RASA1: variants seen among roughly 807,000 people sequenced by gnomAD.
RASA1 encodes the protein ras GTPase-activating protein 1.
A neutral mutation model predicts 132.2 loss-of-function variants in RASA1; 25 were observed. The observed-to-expected ratio is 0.19, with a 90% confidence interval of 0.14 to 0.26. The LOEUF is 0.26. Among genes scored for constraint, RASA1 ranks in the 10% least tolerant of loss-of-function variants. The pLI, the probability that RASA1 is intolerant of heterozygous loss-of-function variation, is 1.00. For synonymous variants in RASA1, 477 were observed against 449.9 expected, an observed-to-expected ratio of 1.06 and a Z score of -0.76; for missense variants, 964 against 1,299.2, an observed-to-expected ratio of 0.74 and a Z score of 3.97.
At chr5:87,300,790 A>C (rs1755326338) in intron 1 of RASA1, among the ~76,000 whole-genome samples, 1 of 152,248 alleles carries the variant, frequency 6.6e-6, no homozygotes, top group Non-Finnish European at 1.5e-5. Flanking sequence ...TTATATGATT[A>C]AAATTTACAT....
chr5:87,387,092 C>CA (rs1762114326), intron 23 of RASA1, among the ~76,000 whole-genome samples, 189 bp downstream of exon 23: 1 of 152,138 alleles, frequency 6.6e-6, no homozygotes, highest in Admixed American at 6.5e-5. Flanking sequence ...TTTATTCTTA[C>CA]ACTAAATAGT....
rs1038459573 is a variant in RASA1, at chr5:87,349,214, T to G, written c.1103T>G (p.Val368Gly). The G allele has an allele frequency of 3.7e-6, 6 of 1,611,488 alleles. No individual in the cohort carries two copies. The African/African-American group carries it at 6.7e-5, about 18-fold the overall frequency. ...KQEAYNLLMT[V>G]GQVCSFLVRP... Reference sequence around the variant, plus strand: ...AAAACTAACAGCTTAATTCTTACAGTTGGTCAAGTCTGCAGTTTTCTTGTG... The same window carrying G: ...AAAACTAACAGCTTAATTCTTACAGGTGGTCAAGTCTGCAGTTTTCTTGTG... The change falls in exon 8 of 25, where the codon GTT becomes GGT. Residue 368 changes from valine to glycine, a missense_variant and splice_region_variant. By Grantham distance (109) the Val-to-Gly change is moderately radical. Coordinates refer to ENST00000274376, the MANE Select transcript of RASA1 (RefSeq NM_002890.3).
intron 1 of RASA1, among the ~76,000 whole-genome samples, chr5:87,275,576 CT>C (rs1301320604): frequency 5.5e-4 from 81 of 148,120 alleles, no homozygotes; most frequent in East Asian, 2.2e-3. Context: ...GGTTGGCCTT[CT>C]TTTTTTTTTT....
intron 1 of RASA1, among the ~76,000 whole-genome samples, chr5:87,289,635 A>G (rs1462131146): frequency 6.6e-6 from 1 of 151,962 alleles, no homozygotes; most frequent in African/African-American, 2.4e-5. Context: ...TTTTCAGACA[A>G]GGTCTTGCTT....
chr5:87,390,240 G>A (rs1022065810), intron 24 of RASA1, among the ~76,000 whole-genome samples: 10 of 152,184 alleles, frequency 6.6e-5, no homozygotes, highest in Non-Finnish European at 1.3e-4. Context: ...AAGGGCTACT[G>A]AGAGGAAGTG....
Position 87,297,778 on chromosome 5 carries a change from G to A in RASA1, c.539+28788G>A, listed in dbSNP as rs191461719. 1.7e-4 allele frequency among the ~76,000 whole-genome samples: 26 copies of A among 152,294 alleles called. No individual in the cohort carries two copies. In the East Asian group the frequency reaches 4.8e-3, roughly 28 times the overall value. On this transcript the variant is annotated intron_variant, in intron 1 of 24. Transcript: ENST00000274376. The stretch of plus-strand genomic sequence containing the variant: ...GTAAGGGCATAGTAGAGCTCCTGGA[G>A]GTAAAATTCACAAGAGTGTCAGGGC...
At chr5:87,341,625 T>G (rs1758468936) in intron 6 of RASA1, among the ~76,000 whole-genome samples, 1 of 152,184 alleles carries the variant, frequency 6.6e-6, no homozygotes, top group Non-Finnish European at 1.5e-5. Context: ...TTATTCATAG[T>G]ATTTCTTGGT....
At chr5:87,367,645 CAA>C (rs763666715) in intron 11 of RASA1, among the ~76,000 whole-genome samples, 14 of 152,322 alleles carry the variant, frequency 9.2e-5, no homozygotes, top group African/African-American at 3.1e-4. Context: ...CTTAGTGACA[CAA>C]AGTTATTCTA....
At chr5:87,338,536 A>ATATATATATTTTTTTTTTT in intron 5 of RASA1, among the ~76,000 whole-genome samples, 3 of 85,216 alleles carry the variant, frequency 3.5e-5, no homozygotes, top group African/African-American at 8.9e-5. Flanking sequence ...TATATATAAA[A>ATATATATATTTTTTTTTTT]TTTTTTTTTT....
At chr5:87,305,146 A>G (rs749087503) in intron 1 of RASA1, among the ~76,000 whole-genome samples, 15 of 151,920 alleles carry the variant, frequency 9.9e-5, no homozygotes, top group Non-Finnish European at 1.6e-4. Flanking sequence ...AAAATTTTTT[A>G]TCTGTTTCTT....
At chr5:87,269,705 C>T (rs1173925314) in intron 1 of RASA1, among the ~76,000 whole-genome samples, 1 of 152,088 alleles carries the variant, frequency 6.6e-6, no homozygotes, top group Non-Finnish European at 1.5e-5. Flanking sequence ...ATAGAGCTTC[C>T]CTTAAACATT....
chr5:87,269,991 C>G (rs756598004), intron 1 of RASA1, among the ~76,000 whole-genome samples: 4 of 152,062 alleles, frequency 2.6e-5, no homozygotes, highest in Non-Finnish European at 5.9e-5. Context: ...CCTGTAATCC[C>G]AGCACTTTGA....
At chr5:87,363,623 C>G in intron 11 of RASA1, 119 bp downstream of exon 11, 1 of 1,177,132 alleles carries the variant, frequency 8.5e-7, no homozygotes. Context: ...GATGCACTTT[C>G]TAGGTAATTT....
chr5:87,320,615 G>A (rs1045356519), intron 1 of RASA1, among the ~76,000 whole-genome samples: 7 of 152,134 alleles, frequency 4.6e-5, no homozygotes, highest in Admixed American at 2.0e-4. Context: ...TTACTATCAC[G>A]AGAACAGCAA....
chr5:87,274,308 A>G (rs2112233749), intron 1 of RASA1, among the ~76,000 whole-genome samples: 1 of 152,362 alleles, frequency 6.6e-6, no homozygotes, highest in South Asian at 2.1e-4. Context: ...TTTTAAAAAA[A>G]TCATTTTACT....
chr5:87,379,940 C>T, intron 19 of RASA1, 90 bp downstream of exon 19: 4 of 1,288,892 alleles, frequency 3.1e-6, no homozygotes, highest in South Asian at 2.6e-5. Context: ...TTTCTGTTGT[C>T]CTAATATTAT....
rs77187012 is a variant in RASA1, at chr5:87,298,591, A to C, written c.539+29601A>C. Among the ~76,000 whole-genome samples the C allele has an allele frequency of 3.1e-4, 47 of 152,246 alleles. 1 individual carries two copies. The East Asian group carries it at 9.1e-3, about 29-fold the overall frequency. On this transcript the variant is annotated intron_variant, in intron 1 of 24. Coordinates refer to ENST00000274376, the MANE Select transcript of RASA1 (RefSeq NM_002890.3). ...TTAGAGGGGATAGCAAATTAAAGGG[A>C]GTAGTTTTTTCAGAATAGCAAAAGA...
At chr5:87,330,997 C>A in intron 1 of RASA1, 2 of 1,410,566 alleles carry the variant, frequency 1.4e-6, no homozygotes, top group Non-Finnish European at 1.9e-6. Context: ...GTAAATTAAT[C>A]ATTTCCATTT....
intron 1 of RASA1, among the ~76,000 whole-genome samples, chr5:87,271,838 G>A (rs772362359): frequency 6.6e-6 from 1 of 151,932 alleles, no homozygotes; most frequent in Non-Finnish European, 1.5e-5. Flanking sequence ...AATACAGGGT[G>A]TTCCCATTAA....
Sources: allele counts gnomAD v4.1 joint callset (sites outside exome capture counted in the v4.1 genomes callset), GRCh38; gene constraint gnomAD v4.1.1; transcripts MANE v1.5; gene names NCBI Gene and HGNC (gene_info 2026-07-23, HGNC 2026-07-21).